The following RP2 variants were observed in gnomAD, a reference collection of about 807,000 sequenced individuals.
RP2 encodes protein XRP2.
Under a neutral mutation model 20.3 loss-of-function variants are expected in RP2, and 3 were observed. That is an observed-to-expected ratio of 0.15 (90% CI 0.07 to 0.38). The LOEUF is 0.38. Among genes scored for constraint, RP2 ranks in the 10% least tolerant of loss-of-function variants. The pLI is 1.00. For synonymous variants in RP2, 75 were observed against 94.8 expected, an observed-to-expected ratio of 0.79 and a Z score of 1.22; for missense variants, 233 against 268.5, an observed-to-expected ratio of 0.87 and a Z score of 0.92.
chrX:46,865,882 T>G (rs1319213697), intron 3 of RP2, among the ~76,000 whole-genome samples: 1 of 109,011 alleles, frequency 9.2e-6, no homozygotes, highest in East Asian at 2.9e-4. Flanking sequence ...GAGCCAAGAT[T>G]GCCACCGCAG....
chrX:46,876,298 T>G (rs1224105811), intron 3 of RP2, among the ~76,000 whole-genome samples: 2 of 110,640 alleles, frequency 1.8e-5, no homozygotes, highest in African/African-American at 6.6e-5. Context: ...TTTTTAATTT[T>G]TTGTAGAGAC....
At chrX:46,859,020 C>T (rs1292238036) in intron 2 of RP2, among the ~76,000 whole-genome samples, 22 of 110,975 alleles carry the variant, frequency 2.0e-4, no homozygotes, top group African/African-American at 5.9e-4. Flanking sequence ...AATCACTGTG[C>T]GCCTTAGTTT....
At chrX:46,854,291 C>G in intron 2 of RP2, 150 bp downstream of exon 2, 1 of 532,008 alleles carries the variant, frequency 1.9e-6, no homozygotes, top group Non-Finnish European at 3.1e-6. Context: ...CCAACAGACT[C>G]ATCTGTAAGT....
Position 46,880,627 on chromosome X carries a change from A to C in RP2, c.*858A>C, listed in dbSNP as rs1801443688. Reference sequence around the variant, plus strand: ...AAAACCTTGTGACTTTTAGGTAAGAAATAGGCATGATGATAAGCTATGCAG... The same window carrying C: ...AAAACCTTGTGACTTTTAGGTAAGACATAGGCATGATGATAAGCTATGCAG... On this transcript the variant is annotated 3_prime_UTR_variant, in exon 5 of 5. Coordinates refer to ENST00000218340, the MANE Select transcript of RP2 (RefSeq NM_006915.3). The C allele has an allele frequency of 8.9e-6, 1 of 112,127 alleles. No individual in the cohort carries two copies. Among genetic ancestry groups the C allele is most frequent in the South Asian group, 3.7e-4 (1 of 2,728 alleles). 9.2% of individuals were successfully genotyped at this position (112,127 alleles called of 1,213,427 possible). A position where few individuals can be genotyped will look rare whatever the true frequency, so the allele number is the denominator to read the frequency against.
chrX:46,859,418 G>C (rs906743240), intron 2 of RP2, among the ~76,000 whole-genome samples: 2 of 107,278 alleles, frequency 1.9e-5, no homozygotes, highest in Non-Finnish European at 3.8e-5. Flanking sequence ...GAACCCAGGC[G>C]TTTGAGGCTG....
chrX:46,858,556 T>C (rs1234282017), intron 2 of RP2, among the ~76,000 whole-genome samples: 1 of 110,554 alleles, frequency 9.0e-6, no homozygotes, highest in African/African-American at 3.3e-5. Flanking sequence ...GTGTAGCCTC[T>C]AACTCCTGGG....
At chrX:46,878,268 T>C (rs1338858455) in intron 4 of RP2, among the ~76,000 whole-genome samples, 2 of 107,245 alleles carry the variant, frequency 1.9e-5, no homozygotes, top group Non-Finnish European at 3.9e-5. Context: ...TCCCAGCTGC[T>C]TGGGAGGCTG....
At chrX:46,848,384 ATTT>A (rs1324909281) in intron 1 of RP2, among the ~76,000 whole-genome samples, 3 of 92,746 alleles carry the variant, frequency 3.2e-5, no homozygotes, top group East Asian at 3.3e-4. Context: ...TTTTTCTTTG[ATTT>A]TTTTTTTTTT....
intron 2 of RP2, among the ~76,000 whole-genome samples, chrX:46,858,530 G>T (rs1275775467): frequency 9.1e-6 from 1 of 110,434 alleles, no homozygotes; most frequent in Non-Finnish European, 1.9e-5. Flanking sequence ...GAGTGCAGTG[G>T]TGAGATCATA....
chrX:46,858,835 G>T (rs1556319650), intron 2 of RP2, among the ~76,000 whole-genome samples: 1 of 111,413 alleles, frequency 9.0e-6, no homozygotes. Context: ...TCATTGTGGA[G>T]AATTATAGAA....
chrX:46,878,032 T>A (rs1556327965), intron 4 of RP2, among the ~76,000 whole-genome samples: 1 of 110,929 alleles, frequency 9.0e-6, no homozygotes, highest in East Asian at 2.8e-4. Flanking sequence ...CATTTTTACT[T>A]GCTTCAGTAA....
chrX:46,845,929 A>C (rs782186073), intron 1 of RP2, among the ~76,000 whole-genome samples: 1 of 110,259 alleles, frequency 9.1e-6, no homozygotes, highest in Non-Finnish European at 1.9e-5. Flanking sequence ...TACTCAGCTA[A>C]TTTTTTGTAT....
intron 1 of RP2, among the ~76,000 whole-genome samples, chrX:46,840,136 C>T (rs1177613469): frequency 1.8e-5 from 2 of 111,920 alleles, no homozygotes; most frequent in Non-Finnish European, 3.8e-5. Flanking sequence ...CACCACCACG[C>T]CTGGCTAATT....
intron 1 of RP2, among the ~76,000 whole-genome samples, chrX:46,839,281 G>T (rs782020034): frequency 8.9e-6 from 1 of 111,761 alleles, no homozygotes; most frequent in East Asian, 2.8e-4. Flanking sequence ...GCCAGGCATG[G>T]TGACTCATGC....
chrX:46,863,811 T>C lies in RP2; in HGVS notation c.883+3709T>C, dbSNP rs188512021. On this transcript the variant is annotated intron_variant, in intron 3 of 4. Transcript: ENST00000218340. ...CTGTACTGAACTAAGGGTGGTCTTA[T>C]TTATTTATTTCTTTTGAGAATTCAC... is the stretch of plus-strand genomic sequence containing the variant. 3.6e-5 allele frequency among the ~76,000 whole-genome samples: 4 copies of C among 111,980 alleles called. No homozygotes were observed. The East Asian group carries it at 1.1e-3, about 31-fold the overall frequency.
At position 46,853,374 on chromosome X, in the gene RP2, A is replaced by G. The variant is rs1336576405; in HGVS notation, c.103-102A>G. ...TCAAAGTCATTGAGATTAAGAATTTATATTTCAGCACTAAGAACTGTGCCT... is the reference window on the plus strand; with the variant it reads ...TCAAAGTCATTGAGATTAAGAATTTGTATTTCAGCACTAAGAACTGTGCCT... On this transcript the variant is annotated intron_variant, in intron 1 of 4. Transcript: ENST00000218340. 3 of 704,320 alleles carry G rather than the reference A, an allele frequency of 4.3e-6. No homozygotes were observed. The African/African-American group carries it at 6.5e-5, about 15-fold the overall frequency. The allele number at this position is 704,320 out of a possible 1,213,427, so 58.0% of individuals were successfully genotyped here. A position where few individuals can be genotyped will look rare whatever the true frequency, so the allele number is the denominator to read the frequency against.
At chrX:46,864,296 T>G (rs144600300) in intron 3 of RP2, among the ~76,000 whole-genome samples, 12 of 111,186 alleles carry the variant, frequency 1.1e-4, no homozygotes, top group African/African-American at 3.9e-4. Flanking sequence ...GAGCGAGACC[T>G]TGTCTCAAAT....
chrX:46,878,317 C>G (rs1350868756), intron 4 of RP2, among the ~76,000 whole-genome samples: 5 of 103,491 alleles, frequency 4.8e-5, no homozygotes, highest in African/African-American at 1.4e-4. Context: ...GCGGAGCTTG[C>G]AGTGAGCCGA....
intron 2 of RP2, among the ~76,000 whole-genome samples, chrX:46,854,479 G>C (rs1044438414): frequency 8.9e-6 from 1 of 112,074 alleles, no homozygotes; most frequent in African/African-American, 3.2e-5. Flanking sequence ...TTATGTGCTA[G>C]TTACTGTTAT....
Sources: allele counts gnomAD v4.1 joint callset (sites outside exome capture counted in the v4.1 genomes callset), GRCh38; gene constraint gnomAD v4.1.1; transcripts MANE v1.5; gene names NCBI Gene and HGNC (gene_info 2026-07-23, HGNC 2026-07-21).